The following ADRA1A variants were observed in gnomAD, a reference collection of about 807,000 sequenced individuals.
ADRA1A encodes alpha-1A adrenergic receptor.
A neutral mutation model predicts 29.6 loss-of-function variants in ADRA1A; 31 were observed. The observed-to-expected ratio is 1.05, with a 90% CI of 0.79 to 1.41. The LOEUF (loss-of-function observed/expected upper bound fraction) is 1.41. ADRA1A is among the 40% of genes most tolerant of loss of function. The pLI, the probability that ADRA1A is intolerant of heterozygous loss-of-function variation, is 0.00. For synonymous variants in ADRA1A, 311 were observed against 254.3 expected, an observed-to-expected ratio of 1.22 and a Z score of -2.12; for missense variants, 619 against 601.1, an observed-to-expected ratio of 1.03 and a Z score of -0.31.
chr8:26,818,920 T>C (rs1352469565), intron 2 of ADRA1A, among the ~76,000 whole-genome samples: 2 of 152,172 alleles, frequency 1.3e-5, no homozygotes, highest in Non-Finnish European at 2.9e-5. Context: ...GGCAGAAAGC[T>C]TGTTTCAAGA....
intron 2 of ADRA1A, among the ~76,000 whole-genome samples, chr8:26,793,240 A>G (rs796080538): frequency 3.3e-5 from 5 of 152,134 alleles, no homozygotes; most frequent in African/African-American, 1.2e-4. Context: ...TTAAAAATTG[A>G]TAAAATTTTA....
chr8:26,750,337 G>A (rs560057864), intron 2 of ADRA1A, among the ~76,000 whole-genome samples: 90 of 152,236 alleles, frequency 5.9e-4, no homozygotes, highest in African/African-American at 2.1e-3. Context: ...AAGTAGCTGG[G>A]ACTACAGACA....
rs904771715 is a variant in ADRA1A at position 26,787,705 on chromosome 8, G to A, written c.884-17039C>T. ...ACTTGTTCCCCAGGGAGGAAATCCC[G>A]ACAGCTCACTTGGTAGTTCAGGGAT... is the stretch of plus-strand genomic sequence containing the variant. On this transcript the variant is annotated intron_variant, in intron 2 of 2. Transcript: ENST00000380573. The surrounding 1 kb of genome is among the most constrained non-coding windows in gnomAD (Gnocchi z 4.2). Among the ~76,000 whole-genome samples, 4 of 152,002 alleles carry A rather than the reference G, an allele frequency of 2.6e-5. No individual in the cohort carries two copies. The highest frequency in any genetic ancestry group is 6.6e-5 in the Admixed American group (1 of 15,240).
chr8:26,819,188 A>G (rs1390299589), intron 2 of ADRA1A, among the ~76,000 whole-genome samples: 1 of 152,190 alleles, frequency 6.6e-6, no homozygotes, highest in African/African-American at 2.4e-5. Context: ...TGCTGAAAGA[A>G]AAAGACTGCC....
At chr8:26,844,287 C>T (rs1392800665) in intron 2 of ADRA1A, among the ~76,000 whole-genome samples, 1 of 151,954 alleles carries the variant, frequency 6.6e-6, no homozygotes, top group Non-Finnish European at 1.5e-5. Context: ...AGATTTTGGC[C>T]CCAAATTATT....
chr8:26,770,565 A>G lies in ADRA1A; in HGVS notation c.985T>C (p.Ser329Pro). The G allele has an allele frequency of 6.2e-7, 1 of 1,614,198 alleles. No individual in the cohort carries two copies. Among genetic ancestry groups the G allele is most frequent in the Non-Finnish European group, 8.5e-7 (1 of 1,180,038 alleles). The change falls in exon 3 of 3, where the codon TCC becomes CCC. Residue 329 changes from serine (S) to proline (P), a missense_variant. Coordinates refer to ENST00000380573, the MANE Select transcript of ADRA1A (RefSeq NM_000680.4). ...AAGGCCTTTTTGAACTCTTGGCTGG[A>G]GCATGGGTATATGATGGGGTTGATG... ...SCINPIIYPC[S>P]SQEFKKAFQN... is the part of the protein sequence containing the mutation.
chr8:26,804,398 A>G (rs572891032), intron 2 of ADRA1A, among the ~76,000 whole-genome samples: 1 of 152,294 alleles, frequency 6.6e-6, no homozygotes, highest in South Asian at 2.1e-4. Context: ...AAAAAATTAT[A>G]CCTATTACTC....
intron 2 of ADRA1A, among the ~76,000 whole-genome samples, chr8:26,760,458 C>A (rs1255913402): frequency 6.6e-6 from 1 of 152,194 alleles, no homozygotes; most frequent in Non-Finnish European, 1.5e-5. Flanking sequence ...AGCTTCCTTT[C>A]CTCTTTTCTG....
In ADRA1A at chr8:26,841,092, C is replaced by T. The variant is rs748661505; in HGVS notation, c.883+22995G>A. Among the ~76,000 whole-genome samples the T allele has an allele frequency of 6.6e-6, 1 of 152,222 alleles. No homozygotes were observed. Among genetic ancestry groups the T allele is most frequent in the African/African-American group, 2.4e-5 (1 of 41,452 alleles). The stretch of plus-strand genomic sequence containing the variant: ...ATCCTGGGCCAGTTACTTAACCACC[C>T]TCTACCACAGTTTCCTCAGGTTGGA... On this transcript the variant is annotated intron_variant, in intron 2 of 2. Coordinates refer to ENST00000380573, the MANE Select transcript of ADRA1A (RefSeq NM_000680.4). The surrounding 1 kb of genome is among the most constrained non-coding windows in gnomAD (Gnocchi z 4.4).
chr8:26,819,553 A>G (rs1190169007), intron 2 of ADRA1A, among the ~76,000 whole-genome samples: 1 of 152,176 alleles, frequency 6.6e-6, no homozygotes, highest in African/African-American at 2.4e-5. Context: ...TTAGCTTAAA[A>G]TAGATTGTTA....
chr8:26,863,777 T>G (rs1258732990), intron 2 of ADRA1A, among the ~76,000 whole-genome samples: 1 of 152,160 alleles, frequency 6.6e-6, no homozygotes, highest in Non-Finnish European at 1.5e-5. Flanking sequence ...GCAGATGCAT[T>G]TAAATTGAAC....
intron 2 of ADRA1A, among the ~76,000 whole-genome samples, chr8:26,858,345 A>G (rs114687687): frequency 5.9e-5 from 9 of 152,218 alleles, no homozygotes; most frequent in African/African-American, 2.2e-4. Flanking sequence ...AATGCTTTCT[A>G]TTTCTTAGAA....
At chr8:26,754,325 T>A (rs1805053058), downstream of ADRA1A, among the ~76,000 whole-genome samples, 1 of 152,168 alleles carries the variant, frequency 6.6e-6, no homozygotes, top group Non-Finnish European at 1.5e-5. Flanking sequence ...TTGAATAGTA[T>A]AGCGTGCATA....
At chr8:26,853,496 TTAAAG>T (rs1434390882) in intron 2 of ADRA1A, among the ~76,000 whole-genome samples, 37 of 152,296 alleles carry the variant, frequency 2.4e-4, no homozygotes, top group African/African-American at 8.9e-4. Context: ...ACCACAGCCA[TTAAAG>T]TAATGTGACA....
chr8:26,824,680 A>G (rs924138513), intron 2 of ADRA1A, among the ~76,000 whole-genome samples: 3 of 152,138 alleles, frequency 2.0e-5, no homozygotes, highest in Non-Finnish European at 1.5e-5. Context: ...AAGAGTGCAG[A>G]CAGGGCCTAT....
At position 26,848,438 on chromosome 8, in the gene ADRA1A, CAG is replaced by C. The variant is rs1363936261; in HGVS notation, c.883+15647_883+15648del. 6.6e-6 allele frequency among the ~76,000 whole-genome samples: 1 copy of C among 152,106 alleles called. No individual in the cohort carries two copies. The highest frequency in any genetic ancestry group is 1.9e-4 in the East Asian group (1 of 5,176). On this transcript the variant is annotated intron_variant, in intron 2 of 2. Transcript: ENST00000380573. This position sits in a 1 kb window ranked among gnomAD's most constrained non-coding sequence, Gnocchi z 4.3. ...TGCCCTTATACAAAGAGGAAGGTAC[CAG>C]AGAGCTCTCTCTCTCTCTCTCTTCA...
chr8:26,827,318 G>A (rs2130630281), intron 2 of ADRA1A, among the ~76,000 whole-genome samples: 1 of 152,360 alleles, frequency 6.6e-6, no homozygotes, highest in South Asian at 2.1e-4. Context: ...GTTAAAGACA[G>A]ATGTGGATTT....
chr8:26,820,403 AATT>A (rs1347811771), intron 2 of ADRA1A, among the ~76,000 whole-genome samples: 1 of 152,178 alleles, frequency 6.6e-6, no homozygotes, highest in African/African-American at 2.4e-5. Context: ...TTTTGACCAC[AATT>A]ATTGTCAATT....
chr8:26,827,827 G>A (rs1810690870), intron 2 of ADRA1A, among the ~76,000 whole-genome samples: 1 of 152,020 alleles, frequency 6.6e-6, no homozygotes, highest in Admixed American at 6.6e-5. Context: ...TTTGGGGAGG[G>A]GTGGACACAA....
Sources: gnomAD v4.1 joint callset for allele counts (sites outside exome capture counted in the v4.1 genomes callset) on GRCh38, gnomAD v4.1.1 for gene constraint, Gnocchi (gnomAD v3.1) non-coding constraint, MANE v1.5 for transcripts, NCBI Gene and HGNC (gene_info 2026-07-23, HGNC 2026-07-21) for gene names.